Variants in GRM8 observed in about 807,000 individuals in gnomAD.
GRM8 encodes the protein metabotropic glutamate receptor 8.
Under a neutral mutation model 87.2 loss-of-function variants are expected in GRM8, and 47 were observed. That is an observed-to-expected ratio of 0.54 (90% CI 0.43 to 0.69). GRM8 has a LOEUF of 0.69. GRM8 is among the 30% of genes least tolerant of loss of function. The pLI, the probability that GRM8 is intolerant of heterozygous loss-of-function variation, is 0.00. For missense variants in GRM8, 1,019 were observed against 1,139.2 expected (o/e 0.89, Z 1.52); for synonymous variants, 396 against 404.5 (o/e 0.98, Z 0.25).
At chr7:126,468,476 C>A (rs1263669389) in intron 9 of GRM8, among the ~76,000 whole-genome samples, 2 of 152,022 alleles carry the variant, frequency 1.3e-5, no homozygotes, top group African/African-American at 4.8e-5. Context: ...GACCACTACC[C>A]TACTTTTTCA....
At chr7:126,464,249 G>T (rs1215584767) in intron 9 of GRM8, among the ~76,000 whole-genome samples, 2 of 151,490 alleles carry the variant, frequency 1.3e-5, no homozygotes, top group African/African-American at 4.8e-5. Context: ...AATCTATTTT[G>T]TCTGATAAAC....
At chr7:126,677,267 C>T (rs555001210) in intron 7 of GRM8, among the ~76,000 whole-genome samples, 1 of 151,504 alleles carries the variant, frequency 6.6e-6, no homozygotes, top group South Asian at 2.1e-4. Context: ...TAAACTAGTA[C>T]AGCCTCTATA....
intron 9 of GRM8, chr7:126,511,990 T>C (rs1811447672): frequency 6.6e-6 from 1 of 152,094 alleles, no homozygotes; most frequent in Admixed American, 6.6e-5. Context: ...TTAGCCGGTG[T>C]AGGAAGCTGA....
intron 7 of GRM8, among the ~76,000 whole-genome samples, chr7:126,752,108 T>G (rs1816488310): frequency 6.6e-6 from 1 of 152,160 alleles, no homozygotes; most frequent in Non-Finnish European, 1.5e-5. Flanking sequence ...GAGCATTTAC[T>G]TTCCATTAAA....
At chr7:127,110,890 G>C (rs1424498081) in intron 2 of GRM8, among the ~76,000 whole-genome samples, 1 of 152,114 alleles carries the variant, frequency 6.6e-6, no homozygotes, top group Non-Finnish European at 1.5e-5. Flanking sequence ...TTTATTCTCT[G>C]ACCTGTCCAC....
intron 6 of GRM8, among the ~76,000 whole-genome samples, chr7:126,779,837 C>A (rs989165983): frequency 6.6e-6 from 1 of 152,114 alleles, no homozygotes; most frequent in Non-Finnish European, 1.5e-5. Flanking sequence ...CTCTTCTACA[C>A]AACACGGAAA....
chr7:126,901,402 T>C (rs1486475680), intron 6 of GRM8, among the ~76,000 whole-genome samples: 1 of 152,214 alleles, frequency 6.6e-6, no homozygotes, highest in South Asian at 2.1e-4. Flanking sequence ...TGTTCATTTA[T>C]GTTTATTATG....
chr7:127,071,807 A>G (rs1377165065), intron 3 of GRM8, among the ~76,000 whole-genome samples: 5 of 152,072 alleles, frequency 3.3e-5, no homozygotes, highest in Non-Finnish European at 7.4e-5. Context: ...TTTGCCAGAA[A>G]TAAATCCAAC....
intron 2 of GRM8, among the ~76,000 whole-genome samples, chr7:127,156,485 G>A (rs1761890978): frequency 6.6e-6 from 1 of 152,160 alleles, no homozygotes; most frequent in African/African-American, 2.4e-5. Context: ...TAAGAGCAGA[G>A]TTTCTTATAA....
At chr7:127,048,156 G>A (rs1478328195) in intron 3 of GRM8, among the ~76,000 whole-genome samples, 3 of 152,208 alleles carry the variant, frequency 2.0e-5, no homozygotes, top group Non-Finnish European at 1.5e-5. Context: ...AATGGTAAGC[G>A]GGAAGGGGAG....
intron 9 of GRM8, among the ~76,000 whole-genome samples, chr7:126,490,582 T>C (rs1807893197): frequency 6.6e-6 from 1 of 152,038 alleles, no homozygotes; most frequent in South Asian, 2.1e-4. Context: ...TTCAGATGGA[T>C]ATATAGAGGA....
At chr7:126,828,548 T>C (rs1376324129) in intron 6 of GRM8, among the ~76,000 whole-genome samples, 1 of 152,294 alleles carries the variant, frequency 6.6e-6, no homozygotes, top group South Asian at 2.1e-4. Flanking sequence ...TCTGAGGGAT[T>C]GGTGGTGATA....
chr7:126,932,275 G>A (rs943890505), intron 3 of GRM8, among the ~76,000 whole-genome samples: 77 of 152,146 alleles, frequency 5.1e-4, no homozygotes, highest in African/African-American at 1.8e-3. Context: ...ACCAAAGTGT[G>A]TAAAGGCTAA....
At chr7:126,952,409 C>T (rs576121148) in intron 3 of GRM8, among the ~76,000 whole-genome samples, 2 of 151,992 alleles carry the variant, frequency 1.3e-5, no homozygotes, top group East Asian at 1.9e-4. Flanking sequence ...AAGCAAACAC[C>T]ATAATAACAA....
chr7:126,906,620 T>G (rs946814321), intron 3 of GRM8, among the ~76,000 whole-genome samples: 1 of 152,228 alleles, frequency 6.6e-6, no homozygotes, highest in African/African-American at 2.4e-5. Flanking sequence ...TTAGGTAGAC[T>G]TTCAAAGAAG....
At chr7:127,175,852 A>G (rs1006135839) in intron 2 of GRM8, among the ~76,000 whole-genome samples, 4 of 152,204 alleles carry the variant, frequency 2.6e-5, no homozygotes, top group Non-Finnish European at 5.9e-5. Context: ...TTTTTAAAAA[A>G]CATTATTTAA....
intron 7 of GRM8, among the ~76,000 whole-genome samples, chr7:126,709,842 A>C (rs1477618869): frequency 6.6e-6 from 1 of 152,184 alleles, no homozygotes; most frequent in Non-Finnish European, 1.5e-5. Context: ...TCAAACATTA[A>C]AAAAAGAAAA....
intron 2 of GRM8, among the ~76,000 whole-genome samples, chr7:127,161,174 T>C (rs549625806): frequency 6.6e-6 from 1 of 152,256 alleles, no homozygotes; most frequent in East Asian, 1.9e-4. Flanking sequence ...ACCATGAACC[T>C]GAGGTAGGAA....
chr7:126,592,153 A>G lies in GRM8; in HGVS notation c.1494+17209T>C, dbSNP rs974986566. On this transcript the variant is annotated intron_variant, in intron 8 of 10. Coordinates refer to ENST00000339582, the MANE Select transcript of GRM8 (RefSeq NM_000845.3). ...TCAATAATATAAAGTCTCCCATCAAAAAAAAAAAAGCCCAGAACCTGATGG... is the reference window on the plus strand; with the variant it reads ...TCAATAATATAAAGTCTCCCATCAAGAAAAAAAAAGCCCAGAACCTGATGG... Among the ~76,000 whole-genome samples the G allele has an allele frequency of 5.8e-5, 8 of 139,108 alleles. No individual in the cohort carries two copies. The South Asian group carries it at 1.8e-3, about 32-fold the overall frequency. The allele number at this position is 139,108 out of a possible 152,430, so 91.3% of individuals were successfully genotyped here.
Sources: allele counts gnomAD v4.1 joint callset (sites outside exome capture counted in the v4.1 genomes callset), GRCh38; gene constraint gnomAD v4.1.1; transcripts MANE v1.5; gene names NCBI Gene and HGNC (gene_info 2026-07-23, HGNC 2026-07-21).